MAN1C1: variants seen among roughly 807,000 people sequenced by gnomAD.
MAN1C1 encodes the protein mannosidase alpha class 1C member 1, also known as mannosyl-oligosaccharide 1,2-alpha-mannosidase IC.
Under a neutral mutation model 71.5 loss-of-function variants are expected in MAN1C1, and 49 were observed. The observed-to-expected ratio is 0.69, with a 90% confidence interval of 0.54 to 0.87. The LOEUF is 0.87. MAN1C1 is among the 40% of genes least tolerant of loss of function. The pLI, the probability that MAN1C1 is intolerant of heterozygous loss-of-function variation, is 0.00. For missense variants in MAN1C1, 743 were observed against 835.0 expected (o/e 0.89, Z 1.36); for synonymous variants, 352 against 343.7 (o/e 1.02, Z -0.27).
chr1:25,726,701 T>C (rs997284989), intron 2 of MAN1C1, among the ~76,000 whole-genome samples: 1 of 152,050 alleles, frequency 6.6e-6, no homozygotes. Flanking sequence ...CTCAGTTTTG[T>C]CATCTGGAAA....
In MAN1C1 at chr1:25,617,177, C is replaced by A. The variant is rs551989417; in HGVS notation, c.-621C>A. ...GGCCACTCCGGCTCCCAGCTCCCGGCGCCCTCTCCGCGGCGGAGAAAGTTG... is the reference window on the plus strand; with the variant it reads ...GGCCACTCCGGCTCCCAGCTCCCGGAGCCCTCTCCGCGGCGGAGAAAGTTG... On this transcript the variant is annotated 5_prime_UTR_variant, in exon 1 of 12. Coordinates refer to ENST00000374332, the MANE Select transcript of MAN1C1 (RefSeq NM_020379.4). This position sits in a 1 kb window ranked among gnomAD's most constrained non-coding sequence, Gnocchi z 5.1. Among the ~76,000 whole-genome samples the A allele has an allele frequency of 6.6e-6, 1 of 151,648 alleles. No homozygotes were observed. Among genetic ancestry groups the A allele is most frequent in the Non-Finnish European group, 1.5e-5 (1 of 67,890 alleles).
At chr1:25,715,596 G>T (rs2046670027) in intron 2 of MAN1C1, among the ~76,000 whole-genome samples, 1 of 152,158 alleles carries the variant, frequency 6.6e-6, no homozygotes, top group African/African-American at 2.4e-5. Flanking sequence ...CTTGTGCCAG[G>T]GCTTGAACCA....
chr1:25,712,616 A>G (rs1475959858), intron 2 of MAN1C1, among the ~76,000 whole-genome samples: 2 of 152,242 alleles, frequency 1.3e-5, no homozygotes, highest in Non-Finnish European at 2.9e-5. Flanking sequence ...CTCCTTGAGC[A>G]GTAAATGCCA....
At chr1:25,781,443 T>C (rs2047693155) in intron 10 of MAN1C1, among the ~76,000 whole-genome samples, 2 of 152,148 alleles carry the variant, frequency 1.3e-5, no homozygotes, top group African/African-American at 2.4e-5. Flanking sequence ...CGGCCACCGC[T>C]GTCCCAACAG....
At chr1:25,703,680 T>TA (rs1233940027) in intron 2 of MAN1C1, among the ~76,000 whole-genome samples, 114 of 151,118 alleles carry the variant, frequency 7.5e-4, no homozygotes, top group Non-Finnish European at 1.5e-4. Context: ...AAACTCTGTC[T>TA]AAAAAAAAAG....
intron 1 of MAN1C1, among the ~76,000 whole-genome samples, chr1:25,683,807 C>T (rs1238925962): frequency 6.6e-6 from 1 of 152,192 alleles, no homozygotes. Context: ...CTGTCCCCTG[C>T]TCACCCAGCA....
chr1:25,758,869 C>A, intron 6 of MAN1C1, 160 bp downstream of exon 6: 2 of 660,848 alleles, frequency 3.0e-6, no homozygotes, highest in Non-Finnish European at 5.4e-6. Context: ...ATAGTAGCTA[C>A]CTATACCCCA....
intron 8 of MAN1C1, among the ~76,000 whole-genome samples, chr1:25,777,818 A>C (rs566552052): frequency 1.3e-5 from 2 of 152,194 alleles, no homozygotes; most frequent in Admixed American, 1.3e-4. Context: ...ATCACCTTAA[A>C]ATATTTTTTA....
chr1:25,707,044 T>C (rs1219997907), intron 2 of MAN1C1, among the ~76,000 whole-genome samples: 1 of 152,226 alleles, frequency 6.6e-6, no homozygotes, highest in Non-Finnish European at 1.5e-5. Flanking sequence ...GGCCCAGTTA[T>C]CTCTTCCCGA....
chr1:25,770,411 CTTTGCCCTGTCT>C (rs1216126268), intron 7 of MAN1C1, among the ~76,000 whole-genome samples: 2 of 152,350 alleles, frequency 1.3e-5, no homozygotes, highest in Non-Finnish European at 2.9e-5. Flanking sequence ...TCCCATCTGT[CTTTGCCCTGTCT>C]TTTGGTCCCT....
chr1:25,622,256 C>T (rs1480180321), intron 1 of MAN1C1, among the ~76,000 whole-genome samples: 1 of 152,178 alleles, frequency 6.6e-6, no homozygotes, highest in Non-Finnish European at 1.5e-5. Context: ...CCTAGCTGTT[C>T]CATCAACTCT....
chr1:25,633,538 T>C (rs1436396607), intron 1 of MAN1C1, among the ~76,000 whole-genome samples: 2 of 128,504 alleles, frequency 1.6e-5, no homozygotes, highest in Non-Finnish European at 3.1e-5. Flanking sequence ...TGTTTGTCTT[T>C]TTTTTTTTTT....
chr1:25,742,861 C>T (rs2047080274), intron 2 of MAN1C1, among the ~76,000 whole-genome samples: 1 of 152,202 alleles, frequency 6.6e-6, no homozygotes, highest in Non-Finnish European at 1.5e-5. Flanking sequence ...CGAACCCTCC[C>T]AAAGGAAAGG....
At chr1:25,663,586 G>A (rs1483313249) in intron 1 of MAN1C1, among the ~76,000 whole-genome samples, 2 of 152,212 alleles carry the variant, frequency 1.3e-5, no homozygotes, top group Admixed American at 6.5e-5. Context: ...TCAGTTGGCT[G>A]TGGGTAACTG....
At chr1:25,683,266 G>A (rs762797717) in intron 1 of MAN1C1, among the ~76,000 whole-genome samples, 10 of 152,094 alleles carry the variant, frequency 6.6e-5, no homozygotes, top group Non-Finnish European at 1.3e-4. Flanking sequence ...ATCTGTCCAC[G>A]AAGCTTCCCT....
intron 5 of MAN1C1, among the ~76,000 whole-genome samples, chr1:25,757,383 C>T (rs1283985620): frequency 6.6e-6 from 1 of 152,230 alleles, no homozygotes; most frequent in Non-Finnish European, 1.5e-5. Context: ...GGAGGTCACA[C>T]CACCCTGCTC....
chr1:25,742,328 G>A (rs1461890511), intron 2 of MAN1C1, among the ~76,000 whole-genome samples: 1 of 152,158 alleles, frequency 6.6e-6, no homozygotes, highest in African/African-American at 2.4e-5. Context: ...TAAAGGGAAG[G>A]GGTCTTGGAG....
chr1:25,783,743 C>G lies in MAN1C1; in HGVS notation c.1847C>G (p.Pro616Arg). ...WVFNTEAHPLPVNHSDSSGRA... is the reference protein window; with the variant it reads ...WVFNTEAHPLRVNHSDSSGRA... ...TTCAACACCGAGGCCCACCCACTCC[C>G]GGTGAACCACTCAGACAGCTCCGGC... is the stretch of plus-strand genomic sequence containing the variant. The change falls in exon 12 of 12, where the codon CCG becomes CGG. Residue 616 changes from proline to arginine, a missense_variant. Transcript: ENST00000374332. 1 of 1,613,088 alleles carries G rather than the reference C, an allele frequency of 6.2e-7. No individual in the cohort carries two copies. The highest frequency in any genetic ancestry group is 8.5e-7 in the Non-Finnish European group (1 of 1,180,022).
intron 7 of MAN1C1, among the ~76,000 whole-genome samples, chr1:25,765,774 C>G (rs1242663065): frequency 6.6e-6 from 1 of 152,164 alleles, no homozygotes; most frequent in Non-Finnish European, 1.5e-5. Flanking sequence ...TGAGGCCTTT[C>G]CTTCCAACCT....
Sources: gnomAD v4.1 joint callset for allele counts (sites outside exome capture counted in the v4.1 genomes callset) on GRCh38, gnomAD v4.1.1 for gene constraint, Gnocchi (gnomAD v3.1) non-coding constraint, MANE v1.5 for transcripts, NCBI Gene and HGNC (gene_info 2026-07-23, HGNC 2026-07-21) for gene names.